The following UTRN variants were observed in gnomAD, a reference collection of about 807,000 sequenced individuals.
UTRN encodes utrophin.
Under a neutral mutation model 463.9 loss-of-function variants are expected in UTRN, and 283 were observed. The ratio of observed to expected loss-of-function variants is 0.61; its 90% CI spans 0.55 to 0.67. UTRN has a LOEUF of 0.67. Among genes scored for constraint, UTRN ranks in the 30% least tolerant of loss-of-function variants. UTRN has a pLI of 0.00. For synonymous variants in UTRN, 1,442 were observed against 1,431.5 expected, an observed-to-expected ratio of 1.01 and a Z score of -0.17; for missense variants, 3,922 against 4,084.3, an observed-to-expected ratio of 0.96 and a Z score of 1.08.
At chr6:144,435,039 A>G (rs897057641) in intron 9 of UTRN, among the ~76,000 whole-genome samples, 2 of 152,222 alleles carry the variant, frequency 1.3e-5, no homozygotes, top group Non-Finnish European at 2.9e-5. Context: ...TGACATTGGT[A>G]AAAGCCTTTT....
rs1475734398 is a variant in UTRN at position 144,757,361 on chromosome 6, A to AT, written c.8435-563dup. On this transcript the variant is annotated intron_variant, in intron 57 of 74. Coordinates refer to ENST00000367545, the MANE Select transcript of UTRN (RefSeq NM_007124.3). Reference sequence around the variant, plus strand: ...TTTCAGATGAAAGTAAGAAATTGGGATTTTTCTGCCTAGACGATTGCCTTG... The same window carrying AT: ...TTTCAGATGAAAGTAAGAAATTGGGATTTTTTCTGCCTAGACGATTGCCTTG... Among the ~76,000 whole-genome samples, 3 of 151,792 alleles carry AT rather than the reference A, an allele frequency of 2.0e-5. No individual in the cohort carries two copies. In the East Asian group the frequency reaches 5.8e-4, roughly 29 times the overall value.
chr6:144,509,218 G>T (rs909287030), intron 34 of UTRN, among the ~76,000 whole-genome samples: 39 of 151,796 alleles, frequency 2.6e-4, no homozygotes, highest in South Asian at 6.3e-4. Flanking sequence ...ATAATGTTTT[G>T]ATTTTTTTCT....
chr6:144,436,650 A>G (rs1786560342), intron 10 of UTRN, among the ~76,000 whole-genome samples: 1 of 151,330 alleles, frequency 6.6e-6, no homozygotes, highest in Non-Finnish European at 1.5e-5. Context: ...TCTTTTGTAT[A>G]GTTATGTGAA....
At chr6:144,408,931 A>G (rs1335697218) in intron 3 of UTRN, among the ~76,000 whole-genome samples, 1 of 152,220 alleles carries the variant, frequency 6.6e-6, no homozygotes, top group African/African-American at 2.4e-5. Flanking sequence ...AATCCCATCT[A>G]TAGTAGAGGC....
chr6:144,404,841 T>C (rs1783244413), intron 3 of UTRN, among the ~76,000 whole-genome samples: 2 of 152,312 alleles, frequency 1.3e-5, no homozygotes, highest in East Asian at 1.9e-4. Context: ...TGGTGGGTCA[T>C]TGACACCTTT....
chr6:144,385,385 A>G (rs1165813240), intron 2 of UTRN, among the ~76,000 whole-genome samples: 1 of 152,236 alleles, frequency 6.6e-6, no homozygotes, highest in Non-Finnish European at 1.5e-5. Flanking sequence ...TGTAAAACTG[A>G]CTAAGGTGAT....
chr6:144,774,601 A>G (rs1775152830), intron 60 of UTRN, among the ~76,000 whole-genome samples: 1 of 152,208 alleles, frequency 6.6e-6, no homozygotes, highest in African/African-American at 2.4e-5. Flanking sequence ...ACACAGGAGT[A>G]ATGTAAAAAG....
intron 50 of UTRN, among the ~76,000 whole-genome samples, chr6:144,568,126 T>A (rs1349674114): frequency 6.6e-6 from 1 of 152,162 alleles, no homozygotes; most frequent in African/African-American, 2.4e-5. Flanking sequence ...TAAAGTGTTA[T>A]AAATCTGTCA....
intron 53 of UTRN, among the ~76,000 whole-genome samples, chr6:144,723,430 A>G (rs1027219577): frequency 4.6e-5 from 7 of 152,190 alleles, no homozygotes; most frequent in African/African-American, 1.7e-4. Flanking sequence ...TATTATGCTC[A>G]AGCATTTATT....
At chr6:144,708,387 GT>G (rs1785305144) in intron 53 of UTRN, 2 of 642,712 alleles carry the variant, frequency 3.1e-6, no homozygotes, top group East Asian at 6.9e-5. Context: ...TAGATAAAGT[GT>G]TTAGAGGCTT....
intron 29 of UTRN, 59 bp downstream of exon 29, chr6:144,487,756 A>G (rs1474553440): frequency 6.0e-6 from 9 of 1,488,686 alleles, no homozygotes; most frequent in African/African-American, 1.4e-5. Flanking sequence ...AGCTGGCCCT[A>G]AGCTCCATAT....
At chr6:144,487,844 T>C (rs1000576840) in intron 29 of UTRN, 147 bp downstream of exon 29, 2 of 678,346 alleles carry the variant, frequency 2.9e-6, no homozygotes, top group African/African-American at 3.7e-5. Context: ...ATTGAGGGTA[T>C]TGAAATATTC....
intron 2 of UTRN, among the ~76,000 whole-genome samples, chr6:144,293,883 AGATGTGTGT>A (rs1804459865): frequency 6.8e-6 from 1 of 148,074 alleles, no homozygotes. Context: ...AAAGTGATAC[AGATGTGTGT>A]GATGTGTGTG....
chr6:144,781,987 C>A lies in UTRN; in HGVS notation c.8698C>A (p.Gln2900Lys). 1 of 1,613,900 alleles carries A rather than the reference C, an allele frequency of 6.2e-7. No homozygotes were observed. Among genetic ancestry groups the A allele is most frequent in the South Asian group, 1.1e-5 (1 of 91,054 alleles). The change falls in exon 61 of 75, where the codon CAG (glutamine) becomes AAG (lysine). Residue 2900 changes from glutamine to lysine, a missense_variant. By Grantham distance (53) the Gln-to-Lys change is moderately conservative (BLOSUM62 1). Transcript: ENST00000367545. Reference sequence around the variant, plus strand: ...ACAGCACAAGTTGAACCAAAATGACCAGCTCCTCAGTGTTCCAGATGTCAT... The same window carrying A: ...ACAGCACAAGTTGAACCAAAATGACAAGCTCCTCAGTGTTCCAGATGTCAT... ...FKQHKLNQND[Q>K]LLSVPDVINC... is the part of the protein sequence containing the mutation.
chr6:144,582,820 T>C (rs535316503), intron 51 of UTRN, among the ~76,000 whole-genome samples: 57 of 152,268 alleles, frequency 3.7e-4, no homozygotes, highest in African/African-American at 1.3e-3. Context: ...TTTTGTTGTT[T>C]TGTTTTGTTT....
chr6:144,654,407 G>A (rs1779126265), intron 51 of UTRN, among the ~76,000 whole-genome samples: 1 of 152,192 alleles, frequency 6.6e-6, no homozygotes, highest in African/African-American at 2.4e-5. Flanking sequence ...CCTTAAATAT[G>A]TATTCAGATT....
chr6:144,661,189 G>T (rs1443557892), intron 51 of UTRN, among the ~76,000 whole-genome samples: 1 of 152,064 alleles, frequency 6.6e-6, no homozygotes, highest in Non-Finnish European at 1.5e-5. Flanking sequence ...CTGTAGAAGC[G>T]GGACTGGATT....
At chr6:144,358,177 A>T (rs940815121) in intron 2 of UTRN, among the ~76,000 whole-genome samples, 1 of 152,268 alleles carries the variant, frequency 6.6e-6, no homozygotes, top group Non-Finnish European at 1.5e-5. Flanking sequence ...AATGTTGCTC[A>T]TAGTAACAGC....
At chr6:144,331,080 C>T (rs116981425) in intron 2 of UTRN, 16,659 of 925,676 alleles carry the variant, frequency 0.018, 172 homozygotes, top group Middle Eastern at 0.02. Context: ...GAAAGGAAGC[C>T]GAGGCATGAC....
Sources: gnomAD v4.1 joint callset for allele counts (sites outside exome capture counted in the v4.1 genomes callset) on GRCh38, gnomAD v4.1.1 for gene constraint, MANE v1.5 for transcripts, NCBI Gene and HGNC (gene_info 2026-07-23, HGNC 2026-07-21) for gene names.